The following CDKL4 variants were observed in gnomAD, a reference collection of about 807,000 sequenced individuals.
The protein encoded by CDKL4 is cyclin-dependent kinase-like 4.
A neutral mutation model predicts 42.0 loss-of-function variants in CDKL4; 44 were observed. That is an observed-to-expected ratio of 1.05 (90% CI 0.82 to 1.35). The LOEUF (loss-of-function observed/expected upper bound fraction) is 1.35. Among genes scored for constraint, CDKL4 ranks in the 40% most tolerant of loss-of-function variants. CDKL4 has a pLI of 0.00. For missense variants in CDKL4, 393 were observed against 369.9 expected (o/e 1.06, Z -0.51); for synonymous variants, 120 against 121.6 (o/e 0.99, Z 0.09).
At chr2:39,246,534 C>G (rs1490258659), upstream of CDKL4, among the ~76,000 whole-genome samples, 2 of 152,236 alleles carry the variant, frequency 1.3e-5, no homozygotes, top group Admixed American at 1.3e-4. Flanking sequence ...TATGCAGCTT[C>G]CTGCCCTATT....
chr2:39,177,255 G>A (rs949075743), intron 9 of CDKL4, among the ~76,000 whole-genome samples: 2 of 152,118 alleles, frequency 1.3e-5, no homozygotes, highest in Admixed American at 6.6e-5. Flanking sequence ...GGCTGTGAAG[G>A]GAGAGCAGCA....
intron 5 of CDKL4, among the ~76,000 whole-genome samples, chr2:39,197,387 A>G (rs1225276525): frequency 6.6e-6 from 1 of 152,224 alleles, no homozygotes; most frequent in East Asian, 1.9e-4. Flanking sequence ...AGAGAAATCT[A>G]AAAGTTTGGA....
rs185443277 is a variant in CDKL4, at chr2:39,221,575, A to T, written c.290+4264T>A. ...TTCATAAAAGAGCAGCATATTCTAGATTGTTCCTATTTGCATTACTCCATG... is the reference window on the plus strand; with the variant it reads ...TTCATAAAAGAGCAGCATATTCTAGTTTGTTCCTATTTGCATTACTCCATG... On this transcript the variant is annotated intron_variant, in intron 3 of 9. Coordinates refer to ENST00000451199, the Ensembl canonical transcript of CDKL4. 2.7e-3 allele frequency among the ~76,000 whole-genome samples: 406 copies of T among 152,288 alleles called. 3 individuals carry two copies. Among genetic ancestry groups the T allele is most frequent in the Middle Eastern group, 0.01 (3 of 294 alleles).
At chr2:39,222,543 T>A (rs1678439342) in intron 3 of CDKL4, among the ~76,000 whole-genome samples, 1 of 151,990 alleles carries the variant, frequency 6.6e-6, no homozygotes, top group Non-Finnish European at 1.5e-5. Context: ...TGAGCCGAGA[T>A]CGCCCCACTG....
At chr2:39,243,113 C>CAAAAAAAAAAAAAAA (rs57132937) in intron 1 of CDKL4, among the ~76,000 whole-genome samples, 1 of 38,420 alleles carries the variant, frequency 2.6e-5, no homozygotes. Flanking sequence ...GACCCTGTCT[C>CAAAAAAAAAAAAAAA]AAAAAAAAAA....
chr2:39,195,267 T>C (rs914816481), intron 5 of CDKL4, among the ~76,000 whole-genome samples: 3 of 152,228 alleles, frequency 2.0e-5, no homozygotes, highest in Admixed American at 6.5e-5. Context: ...CTATAAGCAT[T>C]GGCATACAAA....
intron 8 of CDKL4, 38 bp from the exon 9 acceptor site, chr2:39,179,359 AG>A: frequency 6.6e-7 from 1 of 1,510,188 alleles, no homozygotes; most frequent in Non-Finnish European, 8.9e-7. Context: ...ATGTTAAGGG[AG>A]GGGCTCATTT....
At chr2:39,230,684 C>T (rs1052903416) in intron 1 of CDKL4, among the ~76,000 whole-genome samples, 1 of 152,174 alleles carries the variant, frequency 6.6e-6, no homozygotes, top group Non-Finnish European at 1.5e-5. Flanking sequence ...CCAGCAGAAT[C>T]TTGTTAATAT....
intron 3 of CDKL4, among the ~76,000 whole-genome samples, chr2:39,215,327 T>C (rs919680094): frequency 2.6e-5 from 4 of 152,260 alleles, no homozygotes; most frequent in African/African-American, 9.6e-5. Context: ...GCTTTTTAAA[T>C]TGGTCTGTTC....
intron 9 of CDKL4, among the ~76,000 whole-genome samples, chr2:39,177,855 A>AT (rs756081514): frequency 1.5e-4 from 22 of 150,978 alleles, no homozygotes; most frequent in Middle Eastern, 3.4e-3. Flanking sequence ...CACCCGGCTA[A>AT]TTTTTGTATT....
chr2:39,212,991 T>C (rs1284734499), intron 4 of CDKL4, among the ~76,000 whole-genome samples: 1 of 152,164 alleles, frequency 6.6e-6, no homozygotes, highest in Non-Finnish European at 1.5e-5. Flanking sequence ...AATTTAAAAA[T>C]AGTTTCAGGG....
upstream of CDKL4, among the ~76,000 whole-genome samples, chr2:39,244,666 C>A (rs993158825): frequency 1.3e-5 from 2 of 152,202 alleles, no homozygotes; most frequent in Non-Finnish European, 2.9e-5. Flanking sequence ...TGCGAGCGAA[C>A]GGCGCGGGAC....
chr2:39,239,030 G>A (rs913713572), intron 1 of CDKL4, among the ~76,000 whole-genome samples: 10 of 152,242 alleles, frequency 6.6e-5, no homozygotes, highest in Non-Finnish European at 1.3e-4. Context: ...GGGATTACAA[G>A]AGTGAGCCAC....
At chr2:39,187,835 C>A in intron 6 of CDKL4, 126 bp from the exon 7 acceptor site, 3 of 620,316 alleles carry the variant, frequency 4.8e-6, no homozygotes, top group African/African-American at 3.8e-5. Flanking sequence ...TGAGAGGCTA[C>A]GGCAGGTGGA....
intron 6 of CDKL4, among the ~76,000 whole-genome samples, chr2:39,188,639 T>C (rs1675983391): frequency 6.7e-6 from 1 of 149,562 alleles, no homozygotes; most frequent in South Asian, 2.1e-4. Context: ...TTATCTCATT[T>C]AATCTCATAA....
At chr2:39,187,759 C>A (rs1470886994) in intron 6 of CDKL4, 50 bp from the exon 7 acceptor site, 1 of 1,331,310 alleles carries the variant, frequency 7.5e-7, no homozygotes, top group Non-Finnish European at 1.1e-6. Context: ...AAAGAATAAT[C>A]AAGTGTTTAA....
chr2:39,183,722 T>C (rs1037702221), intron 8 of CDKL4, among the ~76,000 whole-genome samples: 15 of 152,096 alleles, frequency 9.9e-5, no homozygotes, highest in African/African-American at 3.4e-4. Flanking sequence ...TGCTGAGTGC[T>C]GGGTGAAAGC....
chr2:39,174,276 C>T (rs1216387360), downstream of CDKL4, among the ~76,000 whole-genome samples: 1 of 151,806 alleles, frequency 6.6e-6, no homozygotes, highest in East Asian at 1.9e-4. Context: ...TGTGGTGGCA[C>T]CCGCTGTAGT....
At chr2:39,209,202 C>T (rs1677422942) in intron 4 of CDKL4, among the ~76,000 whole-genome samples, 1 of 151,198 alleles carries the variant, frequency 6.6e-6, no homozygotes, top group Non-Finnish European at 1.5e-5. Context: ...GTCCCAGTTC[C>T]TTGGGAGGCT....
Sources: allele counts gnomAD v4.1 joint callset (sites outside exome capture counted in the v4.1 genomes callset), GRCh38; gene constraint gnomAD v4.1.1; transcripts MANE v1.5; gene names NCBI Gene and HGNC (gene_info 2026-07-23, HGNC 2026-07-21).